Variants in CNBD1 observed in about 807,000 individuals in gnomAD.
CNBD1 encodes cyclic nucleotide-binding domain-containing protein 1.
In CNBD1, 71 loss-of-function variants were observed where a neutral mutation model predicts 54.4. The observed-to-expected ratio is 1.30, with a 90% confidence interval of 1.08 to 1.59. The LOEUF (loss-of-function observed/expected upper bound fraction) is 1.59. Ranked by LOEUF, CNBD1 falls within the 40% of genes most tolerant of loss-of-function variation. The pLI, the probability that CNBD1 is intolerant of heterozygous loss-of-function variation, is 0.00. For synonymous variants in CNBD1, 182 were observed against 170.7 expected (o/e 1.07, Z -0.51); for missense variants, 659 against 518.0 (o/e 1.27, Z -2.64).
chr8:87,125,067 ATACT>A (rs1811964774), intron 4 of CNBD1, among the ~76,000 whole-genome samples: 1 of 151,792 alleles, frequency 6.6e-6, no homozygotes, highest in African/African-American at 2.4e-5. Flanking sequence ...CAAAAATTAA[ATACT>A]TAGTTCTAAA....
At chr8:86,967,677 T>G (rs1339985527) in intron 4 of CNBD1, among the ~76,000 whole-genome samples, 2 of 152,230 alleles carry the variant, frequency 1.3e-5, no homozygotes, top group Non-Finnish European at 2.9e-5. Context: ...TTTCCATCTG[T>G]TCTTGCATGT....
intron 4 of CNBD1, among the ~76,000 whole-genome samples, chr8:87,067,294 G>C (rs137953083): frequency 6.6e-6 from 1 of 151,840 alleles, no homozygotes; most frequent in African/African-American, 2.4e-5. Context: ...CAAAGATAAA[G>C]AACACACATT....
At chr8:87,022,922 A>T (rs1809518204) in intron 4 of CNBD1, among the ~76,000 whole-genome samples, 1 of 152,216 alleles carries the variant, frequency 6.6e-6, no homozygotes, top group Non-Finnish European at 1.5e-5. Context: ...GTAAGAAAGG[A>T]GGCAGTTTAG....
At chr8:86,983,376 G>C (rs1281122925) in intron 4 of CNBD1, among the ~76,000 whole-genome samples, 1 of 152,150 alleles carries the variant, frequency 6.6e-6, no homozygotes, top group African/African-American at 2.4e-5. Flanking sequence ...TTTATCAGCA[G>C]CATGATGCAG....
chr8:87,241,933 A>T (rs1163518470), intron 6 of CNBD1, among the ~76,000 whole-genome samples: 1 of 152,110 alleles, frequency 6.6e-6, no homozygotes, highest in Non-Finnish European at 1.5e-5. Flanking sequence ...AAAAAATAAA[A>T]TTCTAAGCCC....
intron 4 of CNBD1, among the ~76,000 whole-genome samples, chr8:86,988,151 T>G (rs1215354862): frequency 7.3e-5 from 11 of 151,614 alleles, no homozygotes; most frequent in Non-Finnish European, 1.5e-4. Flanking sequence ...AGGTTTTTTT[T>G]TTTTTTTTTT....
At chr8:87,340,986 T>G (rs1219090700) in intron 8 of CNBD1, among the ~76,000 whole-genome samples, 1 of 152,148 alleles carries the variant, frequency 6.6e-6, no homozygotes, top group Non-Finnish European at 1.5e-5. Flanking sequence ...TCTGCGTATT[T>G]GAAAATACAA....
chr8:86,901,789 C>T (rs1808937517), intron 2 of CNBD1, among the ~76,000 whole-genome samples: 2 of 152,072 alleles, frequency 1.3e-5, no homozygotes, highest in South Asian at 2.1e-4. Flanking sequence ...TTGGCACATC[C>T]TTCTGCCTTC....
At chr8:87,428,644 T>C (rs1280884999) in intron 3 of CNBD1, 1 of 448,572 alleles carries the variant, frequency 2.2e-6, no homozygotes, top group Admixed American at 2.5e-5. Flanking sequence ...ATAATAAATG[T>C]CACTCTTCAT....
intron 4 of CNBD1, among the ~76,000 whole-genome samples, chr8:87,167,360 A>T (rs1812984945): frequency 6.6e-6 from 1 of 151,962 alleles, no homozygotes; most frequent in Non-Finnish European, 1.5e-5. Flanking sequence ...TTGAAATTAT[A>T]CAGTAAATTG....
At chr8:87,233,080 C>T (rs935103740) in intron 5 of CNBD1, among the ~76,000 whole-genome samples, 1 of 151,970 alleles carries the variant, frequency 6.6e-6, no homozygotes, top group Admixed American at 6.6e-5. Context: ...CATTTAAACC[C>T]TTTAATAGTA....
At position 86,875,606 on chromosome 8, in the gene CNBD1, T is replaced by G. The variant is rs1808509190; in HGVS notation, c.88+9023T>G. 2.0e-5 allele frequency among the ~76,000 whole-genome samples: 3 copies of G among 152,230 alleles called. No individual in the cohort carries two copies. In the South Asian group the frequency reaches 6.2e-4, roughly 32 times the overall value. On this transcript the variant is annotated intron_variant, in intron 1 of 10. Coordinates refer to ENST00000518476, the MANE Select transcript of CNBD1 (RefSeq NM_173538.3). ...AATCTTGTGCATTTCTTTTATTAAATTGTGTCCTTTGGTACTTTCAGAAAT... is the reference window on the plus strand; with the variant it reads ...AATCTTGTGCATTTCTTTTATTAAAGTGTGTCCTTTGGTACTTTCAGAAAT...
chr8:87,316,891 A>T (rs1056937855), intron 8 of CNBD1, among the ~76,000 whole-genome samples: 2 of 151,736 alleles, frequency 1.3e-5, no homozygotes, highest in African/African-American at 4.8e-5. Context: ...TTATTATATA[A>T]ATATTCATTA....
At chr8:86,911,389 T>C (rs982346968) in intron 3 of CNBD1, among the ~76,000 whole-genome samples, 1 of 152,222 alleles carries the variant, frequency 6.6e-6, no homozygotes, top group African/African-American at 2.4e-5. Flanking sequence ...ATGTTAGTAA[T>C]TGAGGAAACA....
At chr8:87,371,020 C>G (rs1416535622) in intron 10 of CNBD1, among the ~76,000 whole-genome samples, 3 of 150,330 alleles carry the variant, frequency 2.0e-5, no homozygotes, top group Non-Finnish European at 4.4e-5. Flanking sequence ...TCAGGTTTGT[C>G]AAAGATCAGA....
intron 4 of CNBD1, among the ~76,000 whole-genome samples, chr8:87,010,831 T>A (rs887481839): frequency 2.0e-5 from 3 of 152,204 alleles, no homozygotes; most frequent in Non-Finnish European, 4.4e-5. Flanking sequence ...CATTTTTTTT[T>A]AAATTGATAT....
chr8:86,875,678 A>AT (rs759324819), intron 1 of CNBD1, among the ~76,000 whole-genome samples: 13 of 152,022 alleles, frequency 8.6e-5, no homozygotes, highest in Non-Finnish European at 1.8e-4. Context: ...ATTTATTGCT[A>AT]TTGCCTCTGG....
At chr8:87,144,731 G>T (rs540934497) in intron 4 of CNBD1, among the ~76,000 whole-genome samples, 1 of 150,538 alleles carries the variant, frequency 6.6e-6, no homozygotes, top group African/African-American at 2.4e-5. Flanking sequence ...TGAGGAAGGA[G>T]AATGGCTTGA....
chr8:87,287,670 G>A (rs1808722711), intron 8 of CNBD1, among the ~76,000 whole-genome samples: 1 of 152,104 alleles, frequency 6.6e-6, no homozygotes. Context: ...GGGAAACACT[G>A]TAACACAGGA....
Sources: allele counts gnomAD v4.1 joint callset (sites outside exome capture counted in the v4.1 genomes callset), GRCh38; gene constraint gnomAD v4.1.1; transcripts MANE v1.5; gene names NCBI Gene and HGNC (gene_info 2026-07-23, HGNC 2026-07-21).